The following POLA1 variants were observed in gnomAD, a reference collection of about 807,000 sequenced individuals.
POLA1 encodes DNA polymerase alpha 1, catalytic subunit.
A neutral mutation model predicts 124.0 loss-of-function variants in POLA1; 15 were observed. That is an observed-to-expected ratio of 0.12 (90% CI 0.08 to 0.19). The LOEUF (loss-of-function observed/expected upper bound fraction) is 0.19, where lower values mean the gene tolerates loss of function less well. POLA1 is among the 10% of genes least tolerant of loss of function. POLA1 has a pLI of 1.00. For synonymous variants in POLA1, 408 were observed against 389.4 expected (o/e 1.05, Z -0.56); for missense variants, 886 against 1,103.4 (o/e 0.80, Z 2.79).
chrX:24,699,521 C>A lies in POLA1; in HGVS notation c.140C>A (p.Ala47Asp). The A allele has an allele frequency of 8.5e-7, 1 of 1,177,604 alleles. No individual in the cohort carries two copies. The highest frequency in any genetic ancestry group is 1.8e-5 in the African/African-American group (1 of 56,726). The change falls in exon 2 of 37, where the codon GCT becomes GAT. Residue 47 changes from alanine to aspartate, a missense_variant. By Grantham distance (126) the Ala-to-Asp change is moderately radical (BLOSUM62 -2). Around this residue, in one of 7 missense-constraint regions of POLA1, gnomAD observed 49 missense variants for 39.2 expected, o/e 1.25. Coordinates refer to ENST00000379068, the MANE Select transcript of POLA1 (RefSeq NM_001330360.2). ...RQEALERLKK[A>D]KAGEKYKYEV... is the part of the protein sequence containing the mutation. ...GAAGCCCTAGAAAGACTGAAAAAGG[C>A]TAAAGCTGGTGAGAAGTATAAATAT...
intron 26 of POLA1, among the ~76,000 whole-genome samples, chrX:24,801,878 A>G (rs997974848): frequency 9.5e-6 from 1 of 105,466 alleles, no homozygotes; most frequent in African/African-American, 3.5e-5. Context: ...CAGGTAGCCT[A>G]TATTAGGGTT....
rs1209942476 is a variant in POLA1 at position 24,717,993 on chromosome X, G to A, written c.1087+235G>A. Among the ~76,000 whole-genome samples, 8 of 110,916 alleles carry A rather than the reference G, an allele frequency of 7.2e-5. No homozygotes were observed. The East Asian group carries it at 1.4e-3, about 20-fold the overall frequency. ...CACTCATTCATTGTAAAGTGAATGC[G>A]CCACCCTGATGGAGAAGAGCTATGG... On this transcript the variant is annotated intron_variant, in intron 10 of 36. Transcript: ENST00000379068.
intron 34 of POLA1, among the ~76,000 whole-genome samples, chrX:24,869,083 G>A (rs1290585927): frequency 8.9e-6 from 1 of 111,788 alleles, no homozygotes; most frequent in African/African-American, 3.3e-5. Context: ...ACAGGCGTGT[G>A]CCACCATGCC....
At chrX:24,725,372 A>G (rs1930478791) in intron 12 of POLA1, among the ~76,000 whole-genome samples, 1 of 108,703 alleles carries the variant, frequency 9.2e-6, no homozygotes, top group Non-Finnish European at 1.9e-5. Context: ...TTTTTTTTGT[A>G]TTTTTAGTAG....
At position 24,723,264 on chromosome X, in the gene POLA1, A is replaced by G; in HGVS notation, c.1197A>G (p.Glu399=). ...GAACGCTTTACTTCCTTCCCCGTGA[A>G]ATGGTAAACATTAGTGATTAGCTTT... ...IERTLYFLPR[E]MKIDLNTGKE... Residue 399 remains glutamate (E), a synonymous_variant, in exon 11 of 37, where the codon GAA becomes GAG. Coordinates refer to ENST00000379068, the MANE Select transcript of POLA1 (RefSeq NM_001330360.2). 2 of 1,134,137 alleles carry G rather than the reference A, an allele frequency of 1.8e-6. No homozygotes were observed. The highest frequency in any genetic ancestry group is 2.4e-6 in the Non-Finnish European group (2 of 824,961). The allele number at this position is 1,134,137 out of a possible 1,213,427, so 93.5% of individuals were successfully genotyped here. A position where few individuals can be genotyped will look rare whatever the true frequency, so the allele number is the denominator to read the frequency against.
rs867485932 is a variant in POLA1, at chrX:24,708,391, T to A, written c.346+3922T>A. On this transcript the variant is annotated intron_variant, in intron 4 of 36. Coordinates refer to ENST00000379068, the MANE Select transcript of POLA1 (RefSeq NM_001330360.2). ...AAAATACTTTTTTTTTTTTTTTTTT[T>A]AATTTATTTTTTTATTGATAATTCT... Among the ~76,000 whole-genome samples the A allele has an allele frequency of 5.1e-3, 473 of 91,914 alleles. 2 individuals are homozygous for A. Among genetic ancestry groups the A allele is most frequent in the African/African-American group, 0.014 (336 of 24,808 alleles). The allele number at this position is 91,914 out of a possible 115,157, so 79.8% of individuals were successfully genotyped here.
chrX:24,976,155 G>A (rs1361691701), intron 36 of POLA1, among the ~76,000 whole-genome samples: 1 of 111,958 alleles, frequency 8.9e-6, no homozygotes, highest in Non-Finnish European at 1.9e-5. Context: ...AGGAGCTGTG[G>A]GCTTTAGTTG....
intron 26 of POLA1, among the ~76,000 whole-genome samples, chrX:24,756,870 C>T (rs1032286633): frequency 1.8e-5 from 2 of 111,059 alleles, no homozygotes; most frequent in Non-Finnish European, 3.8e-5. Flanking sequence ...CATGGCAGTG[C>T]GAAGAATTTT....
chrX:24,713,971 A>G (rs1165224952), intron 4 of POLA1, among the ~76,000 whole-genome samples: 2 of 112,023 alleles, frequency 1.8e-5, no homozygotes, highest in Non-Finnish European at 3.8e-5. Flanking sequence ...GGGAAAACAA[A>G]CCCAAATTCT....
rs11295214 is a variant in POLA1 at position 24,784,059 on chromosome X, CTTT to C, written c.2965-25820_2965-25818del. 3.8e-3 allele frequency among the ~76,000 whole-genome samples: 228 copies of C among 59,508 alleles called. 1 individual carries two copies. The highest frequency in any genetic ancestry group is 0.016 in the African/African-American group (216 of 13,482). The allele number at this position is 59,508 out of a possible 115,157, so 51.7% of individuals were successfully genotyped here. On this transcript the variant is annotated intron_variant, in intron 26 of 36. Coordinates refer to ENST00000379068, the MANE Select transcript of POLA1 (RefSeq NM_001330360.2). ...CATTTTATCTGCAAGATTTATATTT[CTTT>C]TTTTTTTTTTTTTTTTTTGAGATGG...
At chrX:24,916,312 C>A (rs72623017) in intron 35 of POLA1, among the ~76,000 whole-genome samples, 102 of 98,799 alleles carry the variant, frequency 1.0e-3, no homozygotes, top group African/African-American at 4.0e-3. Context: ...GAGGCAGTCT[C>A]GCTGTGTCGC....
rs185800383 is a variant in POLA1, at chrX:24,745,114, A to G, written c.2567-304A>G. On this transcript the variant is annotated intron_variant, in intron 23 of 36. Transcript: ENST00000379068. ...GACACGTCTCAGATAGCTGATTGGG[A>G]AGGTATTTGCTCATAATAATGGTGT... 3.8e-5 allele frequency among the ~76,000 whole-genome samples: 4 copies of G among 106,567 alleles called. No homozygotes were observed. In the Admixed American group the frequency reaches 4.0e-4, roughly 11 times the overall value. 92.5% of individuals were successfully genotyped at this position (106,567 alleles called of 115,157 possible). A position where few individuals can be genotyped will look rare whatever the true frequency, so the allele number is the denominator to read the frequency against.
chrX:24,726,752 G>C (rs1368128239), intron 13 of POLA1, among the ~76,000 whole-genome samples, 181 bp from the exon 14 acceptor site: 2 of 111,400 alleles, frequency 1.8e-5, no homozygotes, highest in African/African-American at 6.5e-5. Flanking sequence ...TTGTGAATTG[G>C]TTTTGTTTCC....
In POLA1 at chrX:24,739,456, C is replaced by G; in HGVS notation, c.2122C>G (p.Arg708Gly). 1 of 1,190,797 alleles carries G rather than the reference C, an allele frequency of 8.4e-7. No individual in the cohort carries two copies. The highest frequency in any genetic ancestry group is 1.1e-6 in the Non-Finnish European group (1 of 877,946). Residue 708 changes from arginine (R) to glycine (G), a missense_variant, in exon 20 of 37, where the codon CGT becomes GGT. Around this residue, in one of 7 missense-constraint regions of POLA1, gnomAD observed 182 missense variants for 252.8 expected, o/e 0.72. Coordinates refer to ENST00000379068, the MANE Select transcript of POLA1 (RefSeq NM_001330360.2). ...DVEISAKELIRCKSYHLSELV... is the reference protein window; with the variant it reads ...DVEISAKELIGCKSYHLSELV... ...GGAAATTTCAGCAAAGGAATTGATTCGTTGTAAAAGCTACCATCTGTCTGA... is the reference window on the plus strand; with the variant it reads ...GGAAATTTCAGCAAAGGAATTGATTGGTTGTAAAAGCTACCATCTGTCTGA...
intron 30 of POLA1, among the ~76,000 whole-genome samples, chrX:24,820,944 C>G (rs2046077344): frequency 8.9e-6 from 1 of 112,008 alleles, no homozygotes; most frequent in South Asian, 3.7e-4. Flanking sequence ...TGTTCCTGTT[C>G]TCGTAGTACT....
rs748618709 is a variant in POLA1 at position 24,916,270 on chromosome X, CTTTTTTT to C, written c.4165-14180_4165-14174del. Among the ~76,000 whole-genome samples, 105 of 100,764 alleles carry C rather than the reference CTTTTTTT, an allele frequency of 1.0e-3. 1 individual carries two copies. The highest frequency in any genetic ancestry group is 0.01 in the Middle Eastern group (2 of 200). The allele number at this position is 100,764 out of a possible 115,157, so 87.5% of individuals were successfully genotyped here. A position where few individuals can be genotyped will look rare whatever the true frequency, so the allele number is the denominator to read the frequency against. On this transcript the variant is annotated intron_variant, in intron 35 of 36. Coordinates refer to ENST00000379068, the MANE Select transcript of POLA1 (RefSeq NM_001330360.2). ...GAAGCCTATTACAAGAACCTGAGAA[CTTTTTTT>C]TTCTTTTTTCTTTTTTTTTTTTTTG... is the stretch of plus-strand genomic sequence containing the variant.
At chrX:24,954,421 CTT>C (rs2048082259) in intron 36 of POLA1, among the ~76,000 whole-genome samples, 1 of 112,284 alleles carries the variant, frequency 8.9e-6, no homozygotes, top group Admixed American at 9.4e-5. Context: ...ATTCGTCACT[CTT>C]GGCTTACGGT....
intron 34 of POLA1, among the ~76,000 whole-genome samples, chrX:24,854,723 G>A (rs2060541806): frequency 9.1e-6 from 1 of 110,200 alleles, no homozygotes; most frequent in South Asian, 3.9e-4. Flanking sequence ...TAGCTACTTG[G>A]GAGGCTGAGG....
intron 15 of POLA1, among the ~76,000 whole-genome samples, chrX:24,729,940 G>C (rs1039060990): frequency 4.6e-5 from 5 of 108,474 alleles, no homozygotes; most frequent in Admixed American, 3.9e-4. Context: ...GAGTAACTGG[G>C]ATTACAGGTG....
Sources: allele counts gnomAD v4.1 joint callset (sites outside exome capture counted in the v4.1 genomes callset), GRCh38; gene constraint gnomAD v4.1.1; regional missense constraint gnomAD v4.1.1; transcripts MANE v1.5; gene names NCBI Gene and HGNC (gene_info 2026-07-23, HGNC 2026-07-21).